ERP44: variants seen among roughly 807,000 people sequenced by gnomAD.
The protein encoded by ERP44 is endoplasmic reticulum resident protein 44.
A neutral mutation model predicts 53.4 loss-of-function variants in ERP44; 25 were observed. The ratio of observed to expected loss-of-function variants is 0.47; its 90% CI spans 0.34 to 0.65. The LOEUF (loss-of-function observed/expected upper bound fraction) is 0.65. Among genes scored for constraint, ERP44 ranks in the 30% least tolerant of loss-of-function variants. The pLI is 0.01. For missense variants in ERP44, 338 were observed against 493.2 expected, an observed-to-expected ratio of 0.69 and a Z score of 2.98; for synonymous variants, 145 against 161.2, an observed-to-expected ratio of 0.90 and a Z score of 0.76.
chr9:100,047,819 T>C (rs573215054), intron 4 of ERP44, among the ~76,000 whole-genome samples: 73 of 152,114 alleles, frequency 4.8e-4, no homozygotes, highest in Admixed American at 1.7e-3. Flanking sequence ...GAGAATTTAT[T>C]TGCAAATCAT....
At chr9:100,082,519 A>C (rs539005431) in intron 1 of ERP44, among the ~76,000 whole-genome samples, 13 of 152,242 alleles carry the variant, frequency 8.5e-5, no homozygotes, top group African/African-American at 3.1e-4. Context: ...TTGGAACAAC[A>C]GGCAGCCACC....
chr9:100,095,089 A>G (rs182650363), intron 1 of ERP44, among the ~76,000 whole-genome samples: 5 of 152,216 alleles, frequency 3.3e-5, no homozygotes, highest in Admixed American at 3.3e-4. Flanking sequence ...TTTGGAAGAG[A>G]TTTTATATAA....
At chr9:100,061,228 G>A (rs1315231476) in intron 1 of ERP44, among the ~76,000 whole-genome samples, 5 of 151,930 alleles carry the variant, frequency 3.3e-5, no homozygotes, top group African/African-American at 9.7e-5. Context: ...AGATCACAAC[G>A]AGGTCAAAAG....
chr9:100,021,102 C>T (rs1173393692), intron 5 of ERP44, among the ~76,000 whole-genome samples: 2 of 152,208 alleles, frequency 1.3e-5, no homozygotes, highest in African/African-American at 4.8e-5. Context: ...GGCTCTCTCA[C>T]ACTCCTACCC....
chr9:100,054,616 G>A lies in ERP44; in HGVS notation c.171-2084C>T, dbSNP rs78104610. Among the ~76,000 whole-genome samples the A allele has an allele frequency of 6.8e-4, 104 of 152,246 alleles. 2 individuals are homozygous for A. In the East Asian group the frequency reaches 0.02, roughly 29 times the overall value. ...CACTGACAAGATGCTCAAAGGAAAT[G>A]CACATTGAAGCATTTTGGATTTCGT... On this transcript the variant is annotated intron_variant, in intron 3 of 11. Coordinates refer to ENST00000262455, the MANE Select transcript of ERP44 (RefSeq NM_015051.3).
At chr9:100,072,625 C>T (rs539926177) in intron 1 of ERP44, among the ~76,000 whole-genome samples, 64 of 152,234 alleles carry the variant, frequency 4.2e-4, no homozygotes, top group African/African-American at 1.4e-3. Context: ...CTGGTTCAAG[C>T]GATTCTCCTG....
chr9:100,013,257 A>G (rs976797743), intron 8 of ERP44, among the ~76,000 whole-genome samples: 3 of 152,078 alleles, frequency 2.0e-5, no homozygotes, highest in Admixed American at 2.0e-4. Flanking sequence ...TTTCTTAAGA[A>G]CTCCAGGTTT....
intron 4 of ERP44, among the ~76,000 whole-genome samples, chr9:100,035,821 A>T (rs557081182): frequency 3.9e-4 from 59 of 152,228 alleles, no homozygotes; most frequent in Non-Finnish European, 1.3e-4. Flanking sequence ...ATCATCAAAG[A>T]AATGCAAATC....
intron 10 of ERP44, among the ~76,000 whole-genome samples, chr9:99,993,292 T>A (rs1250672117): frequency 2.0e-5 from 3 of 152,180 alleles, no homozygotes; most frequent in African/African-American, 7.2e-5. Flanking sequence ...CAAAACAGCA[T>A]GGTACTGGTA....
chr9:100,062,743 A>G (rs1026530982), intron 1 of ERP44, among the ~76,000 whole-genome samples: 2 of 152,166 alleles, frequency 1.3e-5, no homozygotes, highest in Admixed American at 6.5e-5. Flanking sequence ...CTATCAAAAT[A>G]TGTAGAGAGA....
intron 4 of ERP44, among the ~76,000 whole-genome samples, chr9:100,032,987 A>G (rs575950368): frequency 6.6e-6 from 1 of 152,332 alleles, no homozygotes; most frequent in East Asian, 1.9e-4. Context: ...TCCTTTGTTT[A>G]GTTTTTAAGA....
chr9:99,986,958 T>C (rs1266756830), intron 10 of ERP44, among the ~76,000 whole-genome samples: 1 of 152,252 alleles, frequency 6.6e-6, no homozygotes, highest in Non-Finnish European at 1.5e-5. Flanking sequence ...ATGTTTAAGA[T>C]AAAGCCTCTG....
intron 1 of ERP44, among the ~76,000 whole-genome samples, chr9:100,067,372 T>G (rs1490894764): frequency 6.6e-6 from 1 of 152,088 alleles, no homozygotes; most frequent in South Asian, 2.1e-4. Context: ...CGTATTTTTT[T>G]GGTGGAGACG....
chr9:100,024,999 A>G (rs970362285), intron 4 of ERP44, among the ~76,000 whole-genome samples: 1 of 152,208 alleles, frequency 6.6e-6, no homozygotes, highest in African/African-American at 2.4e-5. Context: ...ACAGTGACAC[A>G]TGCCCATAGC....
intron 1 of ERP44, among the ~76,000 whole-genome samples, chr9:100,061,123 A>G (rs2118718395): frequency 6.6e-6 from 1 of 152,338 alleles, no homozygotes; most frequent in African/African-American, 2.4e-5. Context: ...TGATGCTAGT[A>G]TATACATAAG....
At chr9:100,020,406 C>A (rs1215738071) in intron 6 of ERP44, among the ~76,000 whole-genome samples, 2 of 152,092 alleles carry the variant, frequency 1.3e-5, no homozygotes, top group Admixed American at 1.3e-4. Flanking sequence ...CCCTCTTGCC[C>A]ACATTCTGAA....
chr9:100,041,617 G>A (rs35493819), intron 4 of ERP44, among the ~76,000 whole-genome samples: 70,750 of 151,838 alleles, frequency 0.47, 17,802 homozygotes, highest in East Asian at 0.9. Context: ...GCAGTGAGCC[G>A]AGATTGCGCC....
At chr9:100,074,121 ATTACAAAGC>A (rs1169383808) in intron 1 of ERP44, among the ~76,000 whole-genome samples, 2 of 152,216 alleles carry the variant, frequency 1.3e-5, no homozygotes, top group Non-Finnish European at 2.9e-5. Flanking sequence ...ACACTCCATC[ATTACAAAGC>A]TAAGACTTTT....
intron 7 of ERP44, among the ~76,000 whole-genome samples, chr9:100,017,225 TA>T (rs1377329273): frequency 6.6e-6 from 1 of 152,254 alleles, no homozygotes; most frequent in African/African-American, 2.4e-5. Context: ...GTGAACATTT[TA>T]TATGTGTTGA....
Sources: gnomAD v4.1 joint callset for allele counts (sites outside exome capture counted in the v4.1 genomes callset) on GRCh38, gnomAD v4.1.1 for gene constraint, MANE v1.5 for transcripts, NCBI Gene and HGNC (gene_info 2026-07-23, HGNC 2026-07-21) for gene names.